CDH18: variants seen among roughly 807,000 people sequenced by gnomAD.
The protein encoded by CDH18 is cadherin 18, also known as cadherin-18.
In CDH18, 31 loss-of-function variants were observed where a neutral mutation model predicts 67.9. That is an observed-to-expected ratio of 0.46 (90% CI 0.34 to 0.62). The LOEUF (loss-of-function observed/expected upper bound fraction) is 0.62, where lower values mean the gene tolerates loss of function less well. CDH18 is among the 20% of genes least tolerant of loss of function. CDH18 has a pLI of 0.01. For synonymous variants in CDH18, 362 were observed against 347.2 expected (o/e 1.04, Z -0.48); for missense variants, 890 against 975.5 (o/e 0.91, Z 1.17).
At chr5:19,792,732 A>C (rs990444618) in intron 3 of CDH18, among the ~76,000 whole-genome samples, 1 of 152,158 alleles carries the variant, frequency 6.6e-6, no homozygotes, top group African/African-American at 2.4e-5. Context: ...TTATTTGTTA[A>C]ACAACTGCAA....
chr5:20,429,188 T>C (rs1469798754), intron 1 of CDH18, among the ~76,000 whole-genome samples: 1 of 152,138 alleles, frequency 6.6e-6, no homozygotes, highest in Admixed American at 6.6e-5. Flanking sequence ...AGTAGAATCC[T>C]GACTCTGCAG....
intron 1 of CDH18, among the ~76,000 whole-genome samples, chr5:20,379,178 T>A (rs952935153): frequency 6.6e-6 from 1 of 152,170 alleles, no homozygotes; most frequent in African/African-American, 2.4e-5. Context: ...AAAATATAAA[T>A]CATTTTCAAA....
At chr5:20,556,241 G>T (rs1025881361) in intron 1 of CDH18, among the ~76,000 whole-genome samples, 1 of 152,136 alleles carries the variant, frequency 6.6e-6, no homozygotes, top group South Asian at 2.1e-4. Flanking sequence ...CAGGCTATAG[G>T]CTAAAATATG....
chr5:19,534,646 C>A (rs553106470), intron 9 of CDH18, among the ~76,000 whole-genome samples: 59 of 152,174 alleles, frequency 3.9e-4, no homozygotes, highest in African/African-American at 1.3e-3. Context: ...TGCTTTTTTA[C>A]ATATAAGTAA....
intron 1 of CDH18, among the ~76,000 whole-genome samples, chr5:20,514,304 C>T (rs566218809): frequency 2.0e-5 from 3 of 152,138 alleles, no homozygotes; most frequent in South Asian, 2.1e-4. Context: ...TGGAGGTAAG[C>T]GGTGTGTACA....
intron 2 of CDH18, among the ~76,000 whole-genome samples, chr5:20,168,244 G>T (rs1196622441): frequency 2.0e-5 from 3 of 152,016 alleles, no homozygotes; most frequent in Non-Finnish European, 2.9e-5. Context: ...AGAAATTAAT[G>T]ATGTATTTTG....
intron 2 of CDH18, among the ~76,000 whole-genome samples, chr5:20,101,797 G>A (rs1746490442): frequency 6.6e-6 from 1 of 152,218 alleles, no homozygotes; most frequent in Admixed American, 6.5e-5. Flanking sequence ...CAGCTAGCCG[G>A]GCGTGTTGGC....
intron 2 of CDH18, among the ~76,000 whole-genome samples, chr5:19,890,463 T>C (rs956072847): frequency 1.3e-5 from 2 of 152,136 alleles, no homozygotes; most frequent in African/African-American, 2.4e-5. Flanking sequence ...TCTTGTTGAA[T>C]ATATAAATGT....
At chr5:20,108,063 T>A (rs2126314148) in intron 2 of CDH18, among the ~76,000 whole-genome samples, 1 of 151,844 alleles carries the variant, frequency 6.6e-6, no homozygotes, top group East Asian at 2.0e-4. Flanking sequence ...CCTCTTTGTT[T>A]TTGTTTGTTT....
At chr5:20,465,376 A>G (rs1751565849) in intron 1 of CDH18, among the ~76,000 whole-genome samples, 1 of 152,030 alleles carries the variant, frequency 6.6e-6, no homozygotes, top group African/African-American at 2.4e-5. Context: ...AACTGCAAAA[A>G]TTTATTCTTT....
upstream of CDH18, among the ~76,000 whole-genome samples, chr5:19,989,512 A>G (rs547032527): frequency 3.9e-4 from 60 of 152,294 alleles, no homozygotes; most frequent in African/African-American, 1.3e-3. Context: ...CTGGAAGGCA[A>G]TCCTCACTTT....
intron 3 of CDH18, among the ~76,000 whole-genome samples, chr5:19,750,441 G>C (rs1367439693): frequency 1.3e-5 from 2 of 152,104 alleles, no homozygotes; most frequent in Admixed American, 1.3e-4. Context: ...AATAAGGGTA[G>C]TTGCAGACAC....
intron 8 of CDH18, among the ~76,000 whole-genome samples, chr5:19,567,064 T>C (rs975491204): frequency 8.6e-5 from 13 of 151,970 alleles, no homozygotes; most frequent in Non-Finnish European, 2.9e-5. Flanking sequence ...GGTAGAATAA[T>C]GGTTGTCAGA....
intron 5 of CDH18, among the ~76,000 whole-genome samples, chr5:19,687,357 C>G (rs1433241620): frequency 1.3e-5 from 2 of 152,194 alleles, no homozygotes; most frequent in Non-Finnish European, 2.9e-5. Context: ...GCATCTCAGT[C>G]ACTGGAGTTC....
intron 4 of CDH18, among the ~76,000 whole-genome samples, chr5:19,744,194 A>G (rs1306034704): frequency 6.6e-6 from 1 of 151,988 alleles, no homozygotes; most frequent in Non-Finnish European, 1.5e-5. Flanking sequence ...CTTTCAATAG[A>G]ATCTTGCCTG....
intron 1 of CDH18, among the ~76,000 whole-genome samples, chr5:20,527,212 A>C (rs1242655358): frequency 6.6e-6 from 1 of 152,084 alleles, no homozygotes; most frequent in Non-Finnish European, 1.5e-5. Context: ...AGACTAGAGA[A>C]AAAAGAATAA....
intron 2 of CDH18, among the ~76,000 whole-genome samples, chr5:20,238,073 A>G (rs1742612294): frequency 1.3e-5 from 2 of 152,106 alleles, no homozygotes; most frequent in South Asian, 2.1e-4. Context: ...ATTGTAACAA[A>G]CAATTCTAGG....
At chr5:19,908,121 G>C (rs1476751472) in intron 2 of CDH18, among the ~76,000 whole-genome samples, 1 of 151,888 alleles carries the variant, frequency 6.6e-6, no homozygotes, top group Non-Finnish European at 1.5e-5. Flanking sequence ...TATTCAGAAG[G>C]CTTATTTACT....
intron 4 of CDH18, among the ~76,000 whole-genome samples, chr5:19,724,512 TACACACACACAC>T (rs34923644): frequency 1.3e-5 from 2 of 148,784 alleles, no homozygotes; most frequent in African/African-American, 5.0e-5. Context: ...CACACAGACA[TACACACACACAC>T]ACACACACAC....
Sources: allele counts gnomAD v4.1 joint callset (sites outside exome capture counted in the v4.1 genomes callset), GRCh38; gene constraint gnomAD v4.1.1; transcripts MANE v1.5; gene names NCBI Gene and HGNC (gene_info 2026-07-23, HGNC 2026-07-21).